KIF13B: variants seen among roughly 807,000 people sequenced by gnomAD.
KIF13B encodes the protein kinesin-like protein KIF13B.
KIF13B carries 127 observed loss-of-function variants against 222.0 expected under a neutral mutation model. The ratio of observed to expected loss-of-function variants is 0.57; its 90% CI spans 0.50 to 0.66. The LOEUF is 0.66. KIF13B is among the 30% of genes least tolerant of loss of function. The pLI, the probability that KIF13B is intolerant of heterozygous loss-of-function variation, is 0.00. For missense variants in KIF13B, 2,173 were observed against 2,379.0 expected, an observed-to-expected ratio of 0.91 and a Z score of 1.80; for synonymous variants, 976 against 919.0, an observed-to-expected ratio of 1.06 and a Z score of -1.12.
intron 2 of KIF13B, among the ~76,000 whole-genome samples, chr8:29,224,553 C>T (rs1192393244): frequency 6.6e-6 from 1 of 152,140 alleles, no homozygotes; most frequent in Non-Finnish European, 1.5e-5. Flanking sequence ...ACAGGTACTG[C>T]TAATACTATA....
chr8:29,257,710 G>T (rs1816536687), intron 1 of KIF13B, among the ~76,000 whole-genome samples: 2 of 152,148 alleles, frequency 1.3e-5, no homozygotes, highest in African/African-American at 4.8e-5. Context: ...GCAGGCTGCA[G>T]CAGGAATATC....
At chr8:29,137,466 T>C (rs1273737723) in intron 21 of KIF13B, among the ~76,000 whole-genome samples, 1 of 152,136 alleles carries the variant, frequency 6.6e-6, no homozygotes, top group African/African-American at 2.4e-5. Flanking sequence ...TGCGCCCAGG[T>C]TTTTAAATAT....
chr8:29,246,664 G>C (rs1365752745), intron 1 of KIF13B, among the ~76,000 whole-genome samples: 2 of 152,066 alleles, frequency 1.3e-5, no homozygotes. Context: ...TCTTGAAAAA[G>C]AAAAGGAGGG....
At chr8:29,196,980 C>A (rs11785624) in intron 2 of KIF13B, among the ~76,000 whole-genome samples, 1 of 152,176 alleles carries the variant, frequency 6.6e-6, no homozygotes, top group Non-Finnish European at 1.5e-5. Flanking sequence ...ATAAGCACTT[C>A]TAACCTCCCA....
Position 29,123,259 on chromosome 8 carries a change from C to G in KIF13B, c.3479+107G>C, listed in dbSNP as rs955696655. ...CCTTTAATTTAAACAACATTTCCCC[C>G]CATGCTATTGACTCTTCCATTAACC... is the stretch of plus-strand genomic sequence containing the variant. On this transcript the variant is annotated intron_variant, in intron 28 of 39. Coordinates refer to ENST00000524189, the MANE Select transcript of KIF13B (RefSeq NM_015254.4). 4 of 1,217,658 alleles carry G rather than the reference C, an allele frequency of 3.3e-6. No homozygotes were observed. The African/African-American group carries it at 6.0e-5, about 18-fold the overall frequency. 75.4% of individuals were successfully genotyped at this position (1,217,658 alleles called of 1,614,324 possible). A position where few individuals can be genotyped will look rare whatever the true frequency, so the allele number is the denominator to read the frequency against.
At chr8:29,259,801 C>A in intron 1 of KIF13B, among the ~76,000 whole-genome samples, 1 of 152,208 alleles carries the variant, frequency 6.6e-6, no homozygotes, top group East Asian at 1.9e-4. Flanking sequence ...AACAACAACA[C>A]TGGAAAACAA....
At chr8:29,250,434 G>A (rs1312454170) in intron 1 of KIF13B, among the ~76,000 whole-genome samples, 3 of 152,094 alleles carry the variant, frequency 2.0e-5, no homozygotes, top group Admixed American at 6.5e-5. Context: ...TAACTTGGAA[G>A]AATTAAATGG....
intron 2 of KIF13B, among the ~76,000 whole-genome samples, chr8:29,222,515 C>CTTTTTTTTTTTTTTTTTTTTTTTTTTTTT (rs58488862): frequency 3.3e-5 from 2 of 60,568 alleles, no homozygotes; most frequent in Non-Finnish European, 5.6e-5. Flanking sequence ...CCACACCTGA[C>CTTTTTTTTTTTTTTTTTTTTTTTTTTTTT]TTTTTTTTTT....
intron 24 of KIF13B, among the ~76,000 whole-genome samples, chr8:29,128,191 CTGTT>C (rs1470283733): frequency 6.6e-6 from 1 of 150,734 alleles, no homozygotes; most frequent in Admixed American, 6.6e-5. Context: ...ATTGTTTAGA[CTGTT>C]TATTATGTGA....
chr8:29,180,893 G>A (rs1285308203), intron 7 of KIF13B, among the ~76,000 whole-genome samples: 1 of 151,876 alleles, frequency 6.6e-6, no homozygotes, highest in East Asian at 1.9e-4. Flanking sequence ...GCAGAGCTAT[G>A]ACACCCATCT....
chr8:29,210,649 CT>C (rs2130471167), intron 2 of KIF13B, among the ~76,000 whole-genome samples: 2 of 152,326 alleles, frequency 1.3e-5, no homozygotes, highest in East Asian at 3.9e-4. Context: ...GATCCTGAGA[CT>C]TTTTATTTCC....
intron 15 of KIF13B, among the ~76,000 whole-genome samples, chr8:29,149,073 T>C (rs1811187559): frequency 6.6e-6 from 1 of 152,032 alleles, no homozygotes; most frequent in Non-Finnish European, 1.5e-5. Flanking sequence ...TTGAACTGAG[T>C]CTTCACGGAT....
chr8:29,176,221 A>C (rs779400662), intron 9 of KIF13B, 42 bp from the exon 10 acceptor site: 1 of 1,167,088 alleles, frequency 8.6e-7, no homozygotes, highest in Non-Finnish European at 1.3e-6. Context: ...AAAATGAAAT[A>C]TATCAAATGT....
intron 38 of KIF13B, among the ~76,000 whole-genome samples, chr8:29,074,649 C>T (rs551497064): frequency 3.0e-4 from 46 of 152,234 alleles, no homozygotes; most frequent in Non-Finnish European, 5.7e-4. Context: ...ACCCCGATCC[C>T]GGCCACAGCA....
intron 24 of KIF13B, among the ~76,000 whole-genome samples, chr8:29,128,932 C>A (rs1320153904): frequency 7.9e-5 from 12 of 152,168 alleles, no homozygotes; most frequent in Non-Finnish European, 1.5e-5. Context: ...CAAGGCCCTC[C>A]GAAACCAGCC....
rs995021429 is a variant in KIF13B, at chr8:29,069,570, T to C, written c.*934A>G. 6.6e-6 allele frequency: 1 copy of C among 152,134 alleles called. No homozygotes were observed. Among genetic ancestry groups the C allele is most frequent in the Non-Finnish European group, 1.5e-5 (1 of 68,052 alleles). The allele number at this position is 152,134 out of a possible 1,614,324, so 9.4% of individuals were successfully genotyped here. A position where few individuals can be genotyped will look rare whatever the true frequency, so the allele number is the denominator to read the frequency against. On this transcript the variant is annotated 3_prime_UTR_variant, in exon 40 of 40. Coordinates refer to ENST00000524189, the MANE Select transcript of KIF13B (RefSeq NM_015254.4). ...GAGTAAGGCCACTGTGGATCCGCAA[T>C]AGAGGGATGTGAGGAGGGGGCTTTA...
At chr8:29,257,385 G>A (rs1159186529) in intron 1 of KIF13B, among the ~76,000 whole-genome samples, 1 of 151,482 alleles carries the variant, frequency 6.6e-6, no homozygotes, top group East Asian at 1.9e-4. Flanking sequence ...AGGGGAACTT[G>A]AGGAGCAAGC....
chr8:29,172,622 G>A (rs1010648044), intron 10 of KIF13B, among the ~76,000 whole-genome samples: 1 of 152,158 alleles, frequency 6.6e-6, no homozygotes, highest in African/African-American at 2.4e-5. Flanking sequence ...ATTAACCTTT[G>A]ATAAGAAGAG....
At chr8:29,229,016 G>C (rs1246006253) in intron 2 of KIF13B, among the ~76,000 whole-genome samples, 1 of 136,048 alleles carries the variant, frequency 7.4e-6, no homozygotes, top group African/African-American at 2.7e-5. Context: ...CTCTATGGTT[G>C]TTGAATGAAT....
Sources: gnomAD v4.1 joint callset for allele counts (sites outside exome capture counted in the v4.1 genomes callset) on GRCh38, gnomAD v4.1.1 for gene constraint, MANE v1.5 for transcripts, NCBI Gene and HGNC (gene_info 2026-07-23, HGNC 2026-07-21) for gene names.